PKHD1: variants seen among roughly 807,000 people sequenced by gnomAD.
PKHD1 encodes the protein PKHD1 ciliary IPT domain containing fibrocystin/polyductin.
A neutral mutation model predicts 412.0 loss-of-function variants in PKHD1; 291 were observed. That is an observed-to-expected ratio of 0.71 (90% CI 0.64 to 0.78). The LOEUF (loss-of-function observed/expected upper bound fraction) is 0.78. Ranked by LOEUF, PKHD1 falls within the 30% of genes least tolerant of loss-of-function variation. PKHD1 has a pLI of 0.00. For missense variants in PKHD1, 4,825 were observed against 4,950.7 expected, an observed-to-expected ratio of 0.97 and a Z score of 0.76; for synonymous variants, 1,777 against 1,821.5, an observed-to-expected ratio of 0.98 and a Z score of 0.62.
chr6:51,887,328 T>C (rs1226911349), intron 43 of PKHD1, 83 bp from the exon 44 acceptor site: 2 of 840,374 alleles, frequency 2.4e-6, no homozygotes, highest in Non-Finnish European at 4.1e-6. Flanking sequence ...TTTGTACTCA[T>C]CCCAATTTTA....
intron 60 of PKHD1, among the ~76,000 whole-genome samples, chr6:51,683,060 A>C (rs2150574822): frequency 6.6e-6 from 1 of 152,208 alleles, no homozygotes; most frequent in Middle Eastern, 3.4e-3. Context: ...TGAATAAGAA[A>C]CATGGTGAGA....
At chr6:51,705,934 T>A (rs1018233894) in intron 60 of PKHD1, among the ~76,000 whole-genome samples, 31 of 152,172 alleles carry the variant, frequency 2.0e-4, no homozygotes, top group African/African-American at 7.0e-4. Context: ...ACACAGAGTA[T>A]CAATTTTTAG....
chr6:52,075,930 G>A (rs1248175098), intron 6 of PKHD1, among the ~76,000 whole-genome samples: 1 of 152,138 alleles, frequency 6.6e-6, no homozygotes, highest in Admixed American at 6.5e-5. Context: ...ACTGGAGCCT[G>A]GCACACAGTT....
intron 60 of PKHD1, among the ~76,000 whole-genome samples, chr6:51,725,648 A>G (rs1782483560): frequency 6.6e-6 from 1 of 152,204 alleles, no homozygotes; most frequent in African/African-American, 2.4e-5. Flanking sequence ...TTTACTGGAA[A>G]CAACGAGGAA....
At chr6:51,909,136 G>T in intron 40 of PKHD1, 147 bp downstream of exon 40, 1 of 723,110 alleles carries the variant, frequency 1.4e-6, no homozygotes, top group Non-Finnish European at 2.4e-6. Context: ...GCATACTGAA[G>T]TTTGGGAACC....
rs142055045 is a variant in PKHD1 at position 51,961,184 on chromosome 6, G to A, written c.5752-1158C>T. Among the ~76,000 whole-genome samples the A allele has an allele frequency of 1.4e-3, 206 of 152,078 alleles. 2 individuals are homozygous for A. The South Asian group carries it at 0.029, about 21-fold the overall frequency. ...GAAGGGAAGGCATGTTTGTAATACCGACAACTACACCTACACAGAGAATAG... is the reference window on the plus strand; with the variant it reads ...GAAGGGAAGGCATGTTTGTAATACCAACAACTACACCTACACAGAGAATAG... On this transcript the variant is annotated intron_variant, in intron 35 of 66. Coordinates refer to ENST00000371117, the MANE Select transcript of PKHD1 (RefSeq NM_138694.4).
At chr6:51,848,030 T>C in intron 49 of PKHD1, 60 bp from the exon 50 acceptor site, 1 of 1,148,192 alleles carries the variant, frequency 8.7e-7, no homozygotes, top group Non-Finnish European at 1.3e-6. Context: ...TCATTCCACC[T>C]ACTCCACCAC....
intron 66 of PKHD1, among the ~76,000 whole-genome samples, chr6:51,620,800 GTA>G (rs1256932939): frequency 0.011 from 1,563 of 142,822 alleles, 24 homozygotes; most frequent in African/African-American, 0.027. Flanking sequence ...ATATATATAT[GTA>G]TATATATATA....
At position 51,748,589 on chromosome 6, in the gene PKHD1, C is replaced by T; in HGVS notation, c.9027G>A (p.Val3009=). Residue 3009 remains valine (V), a synonymous_variant, in exon 58 of 67, where the codon GTG becomes GTA. Coordinates refer to ENST00000371117, the MANE Select transcript of PKHD1 (RefSeq NM_138694.4). ...ATGATATGATCCAGGATCCTGCTGA[C>T]ACATTACTGAATTCAACAGATGAGT... ...PLYSSVEFSN[V]SAGSWIISST... 1 of 1,613,566 alleles carries T rather than the reference C, an allele frequency of 6.2e-7. No homozygotes were observed. The highest frequency in any genetic ancestry group is 1.1e-5 in the South Asian group (1 of 91,044).
chr6:51,755,390 A>G (rs1221566326), intron 55 of PKHD1, among the ~76,000 whole-genome samples: 1 of 152,140 alleles, frequency 6.6e-6, no homozygotes, highest in African/African-American at 2.4e-5. Flanking sequence ...TACAAATCCT[A>G]CCTTCATGAT....
intron 50 of PKHD1, among the ~76,000 whole-genome samples, chr6:51,842,595 C>T (rs7756863): frequency 0.021 from 3,237 of 152,252 alleles, 99 homozygotes; most frequent in African/African-American, 0.074. Flanking sequence ...AACCTCCCCC[C>T]GCCTCCCTCC....
At chr6:51,719,330 A>G (rs1781636793) in intron 60 of PKHD1, among the ~76,000 whole-genome samples, 1 of 152,104 alleles carries the variant, frequency 6.6e-6, no homozygotes. Context: ...CACCTCAGGT[A>G]GGCAATCCTT....
intron 58 of PKHD1, among the ~76,000 whole-genome samples, chr6:51,747,447 G>A (rs1330000358): frequency 6.6e-6 from 1 of 152,178 alleles, no homozygotes; most frequent in Non-Finnish European, 1.5e-5. Flanking sequence ...GCTTATGCCT[G>A]TAATCCCAAC....
intron 60 of PKHD1, among the ~76,000 whole-genome samples, chr6:51,669,747 TC>T (rs1423604204): frequency 9.3e-4 from 127 of 136,108 alleles, no homozygotes; most frequent in African/African-American, 3.6e-3. Context: ...GTATGTTGTG[TC>T]TTTGTTCTCG....
intron 60 of PKHD1, among the ~76,000 whole-genome samples, chr6:51,666,360 C>T (rs1773773070): frequency 6.6e-6 from 1 of 152,084 alleles, no homozygotes; most frequent in Non-Finnish European, 1.5e-5. Flanking sequence ...TTTATTGTAA[C>T]TGTTGTATTG....
rs1583197044 is a variant in PKHD1, at chr6:51,885,857, A to C, written c.7215+10T>G. The C allele has an allele frequency of 2.6e-6, 4 of 1,568,240 alleles. No individual in the cohort carries two copies. The highest frequency in any genetic ancestry group is 2.6e-6 in the Non-Finnish European group (3 of 1,140,120). ...ACAACAACAATAACAACAACAACAAAAAAGCTTACCTGGGCACCACCTGCA... is the reference window on the plus strand; with the variant it reads ...ACAACAACAATAACAACAACAACAACAAAGCTTACCTGGGCACCACCTGCA... On this transcript the variant is annotated intron_variant, in intron 45 of 66. Coordinates refer to ENST00000371117, the MANE Select transcript of PKHD1 (RefSeq NM_138694.4).
chr6:51,701,790 T>C (rs1411653703), intron 60 of PKHD1, among the ~76,000 whole-genome samples: 1 of 151,964 alleles, frequency 6.6e-6, no homozygotes, highest in Non-Finnish European at 1.5e-5. Context: ...TATATTAGTA[T>C]TTTATAGTGC....
chr6:52,008,705 G>A (rs1264200621), intron 35 of PKHD1, among the ~76,000 whole-genome samples: 4 of 152,132 alleles, frequency 2.6e-5, no homozygotes, highest in African/African-American at 9.7e-5. Context: ...TACCATGTGT[G>A]AGATGCAGCT....
chr6:51,937,250 C>A (rs1381531567), intron 36 of PKHD1, among the ~76,000 whole-genome samples: 4 of 152,174 alleles, frequency 2.6e-5, no homozygotes, highest in African/African-American at 9.7e-5. Context: ...CTTGTCTAAC[C>A]TTTCCAGACC....
Sources: gnomAD v4.1 joint callset for allele counts (sites outside exome capture counted in the v4.1 genomes callset) on GRCh38, gnomAD v4.1.1 for gene constraint, MANE v1.5 for transcripts, NCBI Gene and HGNC (gene_info 2026-07-23, HGNC 2026-07-21) for gene names.